RBPJ: variants seen among roughly 807,000 people sequenced by gnomAD.
The protein encoded by RBPJ is recombination signal binding protein for immunoglobulin kappa J region.
In RBPJ, 9 loss-of-function variants were observed where a neutral mutation model predicts 67.8. The observed-to-expected ratio is 0.13, with a 90% CI of 0.08 to 0.23. RBPJ has a LOEUF of 0.23. Among genes scored for constraint, RBPJ ranks in the 10% least tolerant of loss-of-function variants. The pLI, the probability that RBPJ is intolerant of heterozygous loss-of-function variation, is 1.00. For missense variants in RBPJ, 305 were observed against 595.6 expected, an observed-to-expected ratio of 0.51 and a Z score of 5.08; for synonymous variants, 198 against 203.3, an observed-to-expected ratio of 0.97 and a Z score of 0.22.
chr4:26,412,734 A>C (rs1734166137), intron 3 of RBPJ, among the ~76,000 whole-genome samples: 1 of 152,222 alleles, frequency 6.6e-6, no homozygotes, highest in Admixed American at 6.5e-5. Flanking sequence ...TTCAATTAAA[A>C]AAAACAGGAG....
chr4:26,423,882 C>T (rs1735383745), intron 5 of RBPJ, among the ~76,000 whole-genome samples: 1 of 152,134 alleles, frequency 6.6e-6, no homozygotes, highest in African/African-American at 2.4e-5. Context: ...GAATTGGATG[C>T]AAACACATAT....
At chr4:26,425,750 T>TGA (rs1735590247) in intron 7 of RBPJ, among the ~76,000 whole-genome samples, 3 of 152,160 alleles carry the variant, frequency 2.0e-5, no homozygotes, top group Admixed American at 2.0e-4. Context: ...ATATTCAAGA[T>TGA]GAAGGGGATT....
At chr4:26,272,977 C>CT (rs200207593) in intron 1 of RBPJ, among the ~76,000 whole-genome samples, 249 of 152,082 alleles carry the variant, frequency 1.6e-3, no homozygotes, top group Admixed American at 2.6e-3. Flanking sequence ...ACCTTAGGTG[C>CT]TTTTTTTTCA....
the RBPJ span, chr4:26,113,465 C>A: frequency 1.1e-5 from 6 of 548,912 alleles, no homozygotes; most frequent in Non-Finnish European, 2.1e-5. Flanking sequence ...CAACCATCAG[C>A]AAACACACAC....
intron 1 of RBPJ, among the ~76,000 whole-genome samples, chr4:26,181,636 A>C (rs543463566): frequency 6.6e-6 from 1 of 152,336 alleles, no homozygotes; most frequent in East Asian, 1.9e-4. Context: ...CCACCCACCT[A>C]GGCTATATGG....
Position 26,432,944 on chromosome 4 carries a change from T to C in RBPJ, c.*1937T>C, listed in dbSNP as rs1181159464. On this transcript the variant is annotated 3_prime_UTR_variant, in exon 11 of 11. Coordinates refer to ENST00000355476, the MANE Select transcript of RBPJ (RefSeq NM_015874.6). ...TGCTCAGACTATGCCACTGTAAATA[T>C]TCTTCCTAACATCTTTAAATCGCCT... 6.6e-6 allele frequency: 1 copy of C among 152,218 alleles called. No individual in the cohort carries two copies. The highest frequency in any genetic ancestry group is 1.5e-5 in the Non-Finnish European group (1 of 68,036). The allele number at this position is 152,218 out of a possible 1,614,324, so 9.4% of individuals were successfully genotyped here.
chr4:26,374,637 A>G (rs1210552300), intron 1 of RBPJ, among the ~76,000 whole-genome samples: 1 of 151,864 alleles, frequency 6.6e-6, no homozygotes, highest in African/African-American at 2.4e-5. Context: ...CACCATGCCC[A>G]GCTAATTTTT....
intron 1 of RBPJ, among the ~76,000 whole-genome samples, chr4:26,360,835 C>G (rs1277617128): frequency 6.6e-6 from 1 of 150,950 alleles, no homozygotes; most frequent in Non-Finnish European, 1.5e-5. Flanking sequence ...GTCTCAAACT[C>G]CTGACCTCAG....
chr4:26,259,432 C>A (rs111511875), intron 1 of RBPJ, among the ~76,000 whole-genome samples: 1 of 152,188 alleles, frequency 6.6e-6, no homozygotes, highest in Admixed American at 6.5e-5. Flanking sequence ...GATTAGTCTG[C>A]TTTTACTTTG....
chr4:26,355,420 G>T (rs1727265397), intron 1 of RBPJ, among the ~76,000 whole-genome samples: 1 of 150,762 alleles, frequency 6.6e-6, no homozygotes, highest in Non-Finnish European at 1.5e-5. Flanking sequence ...CAAGGCCAAG[G>T]TAGGATTGCA....
intron 1 of RBPJ, among the ~76,000 whole-genome samples, chr4:26,225,578 C>G (rs1261768326): frequency 6.6e-6 from 1 of 152,000 alleles, no homozygotes; most frequent in East Asian, 1.9e-4. Flanking sequence ...ACACAAAGAG[C>G]GAACCATGAT....
At chr4:26,244,795 C>G (rs533986038) in intron 1 of RBPJ, among the ~76,000 whole-genome samples, 1 of 151,784 alleles carries the variant, frequency 6.6e-6, no homozygotes, top group African/African-American at 2.4e-5. Flanking sequence ...CCCACACACC[C>G]GGCTAATTTT....
the RBPJ span, among the ~76,000 whole-genome samples, chr4:26,137,137 G>A: frequency 6.6e-6 from 1 of 152,206 alleles, no homozygotes; most frequent in Non-Finnish European, 1.5e-5. Context: ...GGATGGTGGT[G>A]AAGGGAATGC....
At chr4:26,123,056 G>A in the RBPJ span, among the ~76,000 whole-genome samples, 5 of 152,192 alleles carry the variant, frequency 3.3e-5, no homozygotes, top group South Asian at 6.2e-4. Flanking sequence ...GCTTAGTAAC[G>A]GGTTTATGTT....
chr4:26,362,777 G>C (rs893664094), intron 1 of RBPJ: 3 of 652,834 alleles, frequency 4.6e-6, no homozygotes, highest in Non-Finnish European at 7.6e-6. Flanking sequence ...ATGTGGTTAT[G>C]GATTTATGGT....
At chr4:26,255,403 C>CAAA (rs766336628) in intron 1 of RBPJ, among the ~76,000 whole-genome samples, 1,073 of 34,480 alleles carry the variant, frequency 0.031, 119 homozygotes, top group African/African-American at 0.12. Context: ...GACTCCGTCT[C>CAAA]AAAAAAAAAA....
chr4:26,235,026 A>T (rs772921377), intron 1 of RBPJ, among the ~76,000 whole-genome samples: 1 of 151,890 alleles, frequency 6.6e-6, no homozygotes, highest in Admixed American at 6.6e-5. Context: ...CACCCTATCC[A>T]CTGCTGAATA....
intron 1 of RBPJ, among the ~76,000 whole-genome samples, chr4:26,226,313 A>C (rs1719074861): frequency 6.6e-6 from 1 of 152,014 alleles, no homozygotes; most frequent in Non-Finnish European, 1.5e-5. Flanking sequence ...AAAAAGAAAA[A>C]AAATTAATTA....
intron 1 of RBPJ, among the ~76,000 whole-genome samples, chr4:26,231,971 AACCTCC>A (rs1719305274): frequency 6.6e-6 from 1 of 151,326 alleles, no homozygotes; most frequent in Non-Finnish European, 1.5e-5. Flanking sequence ...GGCTCATTGC[AACCTCC>A]ACCTCCCGAG....
Sources: gnomAD v4.1 joint callset for allele counts (sites outside exome capture counted in the v4.1 genomes callset) on GRCh38, gnomAD v4.1.1 for gene constraint, MANE v1.5 for transcripts, NCBI Gene and HGNC (gene_info 2026-07-23, HGNC 2026-07-21) for gene names.